EXOC1L: variants seen among roughly 807,000 people sequenced by gnomAD.
EXOC1L encodes the protein exocyst complex component 1 like.
A neutral mutation model predicts 4.9 loss-of-function variants in EXOC1L; 10 were observed. That is an observed-to-expected ratio of 2.02 (90% confidence interval 1.25 to 3.43). The LOEUF is 3.43. Ranked by LOEUF, EXOC1L falls within the 30% of genes most tolerant of loss-of-function variation. The pLI, the probability that EXOC1L is intolerant of heterozygous loss-of-function variation, is 0.00. For synonymous variants in EXOC1L, 41 were observed against 20.8 expected (o/e 1.97, Z -2.63); for missense variants, 114 against 59.4 (o/e 1.92, Z -3.02).
At chr4:55,823,079 T>A in intron 1 of EXOC1L, among the ~76,000 whole-genome samples, 1 of 151,734 alleles carries the variant, frequency 6.6e-6, no homozygotes, top group East Asian at 1.9e-4. Flanking sequence ...TTTTCAGTAT[T>A]CTCATATTTC....
chr4:55,824,725 C>A (rs1719838429), intron 1 of EXOC1L, among the ~76,000 whole-genome samples: 1 of 152,092 alleles, frequency 6.6e-6, no homozygotes, highest in African/African-American at 2.4e-5. Context: ...GTGAAGGTTA[C>A]AATATGGAAA....
chr4:55,834,576 T>C (rs1031828577), intron 2 of EXOC1L, among the ~76,000 whole-genome samples: 1 of 151,942 alleles, frequency 6.6e-6, no homozygotes, highest in African/African-American at 2.4e-5. Context: ...GCATGAGGGG[T>C]ATTTTCTACC....
At chr4:55,828,656 A>G (rs1423417049) in intron 1 of EXOC1L, among the ~76,000 whole-genome samples, 1 of 152,070 alleles carries the variant, frequency 6.6e-6, no homozygotes, top group East Asian at 1.9e-4. Context: ...TCACTGGGTA[A>G]TACAGTGAGA....
chr4:55,821,183 C>A (rs555713035), intron 1 of EXOC1L, among the ~76,000 whole-genome samples: 20 of 152,142 alleles, frequency 1.3e-4, no homozygotes, highest in Admixed American at 3.3e-4. Context: ...AGAATTCTGT[C>A]ATTTCTAATA....
intron 2 of EXOC1L, among the ~76,000 whole-genome samples, chr4:55,831,951 G>A (rs1334843170): frequency 3.3e-5 from 5 of 151,994 alleles, no homozygotes; most frequent in Non-Finnish European, 7.4e-5. Context: ...CCCCTGACAA[G>A]TGATTTTCAC....
At chr4:55,832,742 G>A (rs1220477740) in intron 2 of EXOC1L, among the ~76,000 whole-genome samples, 1 of 152,052 alleles carries the variant, frequency 6.6e-6, no homozygotes, top group African/African-American at 2.4e-5. Context: ...TAGCTATTAA[G>A]TGGTAGAGCT....
chr4:55,823,032 T>C (rs1395912823), intron 1 of EXOC1L, among the ~76,000 whole-genome samples: 1 of 151,332 alleles, frequency 6.6e-6, no homozygotes. Flanking sequence ...TATATTATGT[T>C]AATTTAAAAT....
Position 55,819,848 on chromosome 4 carries a change from G to C in EXOC1L, c.-179G>C. On this transcript the variant is annotated 5_prime_UTR_variant, in exon 1 of 3. Transcript: ENST00000636125. ...AGATACCGCAGTGAGGGGTCTGACCGCGCTGAGTGCTCTCGGGAATCTGGG... is the reference window on the plus strand; with the variant it reads ...AGATACCGCAGTGAGGGGTCTGACCCCGCTGAGTGCTCTCGGGAATCTGGG... 2.7e-6 allele frequency: 1 copy of C among 369,248 alleles called. No homozygotes were observed. The highest frequency in any genetic ancestry group is 4.8e-6 in the Non-Finnish European group (1 of 208,294). The allele number at this position is 369,248 out of a possible 1,614,324, so 22.9% of individuals were successfully genotyped here.
chr4:55,820,801 C>T (rs1038236768), intron 1 of EXOC1L, among the ~76,000 whole-genome samples: 1 of 152,162 alleles, frequency 6.6e-6, no homozygotes, highest in Non-Finnish European at 1.5e-5. Context: ...AAGATTTTTA[C>T]CCTCATGTTT....
chr4:55,836,755 G>A (rs990603961), intron 2 of EXOC1L, among the ~76,000 whole-genome samples: 6 of 151,890 alleles, frequency 4.0e-5, no homozygotes, highest in African/African-American at 1.4e-4. Flanking sequence ...AAGTCTGTGA[G>A]TTTATTCTCT....
At chr4:55,834,336 G>T (rs112762926) in intron 2 of EXOC1L, among the ~76,000 whole-genome samples, 2,071 of 151,876 alleles carry the variant, frequency 0.014, 65 homozygotes, top group African/African-American at 0.047. Context: ...TTTTGTCCTG[G>T]CTCTGCCAAT....
At chr4:55,820,708 A>T (rs1462871072) in intron 1 of EXOC1L, among the ~76,000 whole-genome samples, 1 of 152,246 alleles carries the variant, frequency 6.6e-6, no homozygotes, top group Non-Finnish European at 1.5e-5. Context: ...GCTCACAAAA[A>T]CAATACCTTA....
At chr4:55,828,339 T>C (rs548718655) in intron 1 of EXOC1L, among the ~76,000 whole-genome samples, 44 of 152,294 alleles carry the variant, frequency 2.9e-4, no homozygotes, top group South Asian at 8.3e-4. Context: ...TCAGATTCAG[T>C]GCTAGGGCTG....
chr4:55,835,093 C>T lies in EXOC1L; in HGVS notation c.253-1992C>T, dbSNP rs562963458. Among the ~76,000 whole-genome samples the T allele has an allele frequency of 7.2e-5, 11 of 151,898 alleles. No individual in the cohort carries two copies. The South Asian group carries it at 2.3e-3, about 32-fold the overall frequency. ...AATATATGATGTTTGGTTTTCCATT[C>T]CTGAGTTACTTCTCTTAGAATAATG... is the stretch of plus-strand genomic sequence containing the variant. On this transcript the variant is annotated intron_variant, in intron 2 of 2. Transcript: ENST00000636125.
chr4:55,829,034 C>T (rs976854584), intron 1 of EXOC1L, among the ~76,000 whole-genome samples: 2 of 152,146 alleles, frequency 1.3e-5, no homozygotes, highest in Non-Finnish European at 2.9e-5. Flanking sequence ...TTCCACCCAA[C>T]CAACTCACCC....
At chr4:55,836,915 C>A (rs1176764303) in intron 2 of EXOC1L, among the ~76,000 whole-genome samples, 170 bp from the exon 3 acceptor site, 2 of 151,864 alleles carry the variant, frequency 1.3e-5, no homozygotes, top group Non-Finnish European at 2.9e-5. Context: ...TTTTTAGAAG[C>A]AATTACTTTG....
rs2110284274 is a variant in EXOC1L, at chr4:55,831,384, G to A, written c.172G>A (p.Gly58Ser). The A allele has an allele frequency of 1.4e-6, 1 of 692,472 alleles. No homozygotes were observed. The highest frequency in any genetic ancestry group is 2.6e-6 in the Non-Finnish European group (1 of 380,582). 42.9% of individuals were successfully genotyped at this position (692,472 alleles called of 1,614,324 possible). A position where few individuals can be genotyped will look rare whatever the true frequency, so the allele number is the denominator to read the frequency against. The change falls in exon 2 of 3, where the codon GGT (glycine) becomes AGT (serine). Residue 58 changes from glycine (G) to serine (S), a missense_variant. Gly to Ser is a moderately conservative substitution (Grantham distance 56). Coordinates refer to ENST00000636125, the MANE Select transcript of EXOC1L (RefSeq NM_001351574.3). ...KIVMVKHYRI[G>S]LDEKYEVTKK... Reference sequence around the variant, plus strand: ...AGTCATGGTGAAACACTACAGAATAGGTTTAGATGAAAAATATGAAGTAAC... The same window carrying A: ...AGTCATGGTGAAACACTACAGAATAAGTTTAGATGAAAAATATGAAGTAAC...
intron 1 of EXOC1L, among the ~76,000 whole-genome samples, chr4:55,824,395 C>T (rs1414745734): frequency 6.6e-6 from 1 of 151,972 alleles, no homozygotes; most frequent in African/African-American, 2.4e-5. Flanking sequence ...CAAGGTCTCA[C>T]TTTGACACCC....
rs1035904503 is a variant in EXOC1L at position 55,831,469 on chromosome 4, G to C, written c.252+5G>C. 8 of 678,894 alleles carry C rather than the reference G, an allele frequency of 1.2e-5. No homozygotes were observed. The African/African-American group carries it at 1.3e-4, about 11-fold the overall frequency. 42.1% of individuals were successfully genotyped at this position (678,894 alleles called of 1,614,324 possible). A position where few individuals can be genotyped will look rare whatever the true frequency, so the allele number is the denominator to read the frequency against. On this transcript the variant is annotated splice_donor_5th_base_variant and intron_variant, in intron 2 of 2. Coordinates refer to ENST00000636125, the MANE Select transcript of EXOC1L (RefSeq NM_001351574.3). ...GATGGAAAAGAAGCAGATACTGTAA[G>C]TGTTACATTTTATAAGGAGATGTGG...
Sources: gnomAD v4.1 joint callset for allele counts (sites outside exome capture counted in the v4.1 genomes callset) on GRCh38, gnomAD v4.1.1 for gene constraint, MANE v1.5 for transcripts, NCBI Gene and HGNC (gene_info 2026-07-23, HGNC 2026-07-21) for gene names.